Variants in ZNF334 observed in about 807,000 individuals in gnomAD.
ZNF334 encodes the protein zinc finger protein 334.
ZNF334 carries 14 observed loss-of-function variants against 12.4 expected under a neutral mutation model. That is an observed-to-expected ratio of 1.13 (90% CI 0.74 to 1.76). ZNF334 has a LOEUF of 1.76. Ranked by LOEUF, ZNF334 falls within the 40% of genes most tolerant of loss-of-function variation. ZNF334 has a pLI of 0.00. For synonymous variants in ZNF334, 273 were observed against 269.6 expected (o/e 1.01, Z -0.12); for missense variants, 797 against 804.5 (o/e 0.99, Z 0.11).
At chr20:46,510,600 C>T (rs1325858749) in intron 2 of ZNF334, among the ~76,000 whole-genome samples, 1 of 151,646 alleles carries the variant, frequency 6.6e-6, no homozygotes, top group Non-Finnish European at 1.5e-5. Context: ...GTGGCGGGTG[C>T]CTGTAGTCCC....
At chr20:46,468,441 A>T in the ZNF334 span, among the ~76,000 whole-genome samples, 18 of 142,830 alleles carry the variant, frequency 1.3e-4, no homozygotes, top group East Asian at 8.1e-4. Context: ...TGACTGGCTA[A>T]TTTTTTTTTT....
Position 46,501,408 on chromosome 20 carries a change from G to A in ZNF334, c.1931C>T (p.Thr644Ile), listed in dbSNP as rs1370473557. The change falls in exon 5 of 5, where the codon ACT becomes ATT. Residue 644 changes from threonine to isoleucine, a missense_variant. Transcript: ENST00000692313. The part of the protein sequence containing the change: ...GKTYRRLWTL[T>I]EHQKIHTGEK... ...TCCTGTGTGTATTTTCTGATGTTCAGTGAGAGTCCACAGGCGACGGTAGGT... is the reference window on the plus strand; with the variant it reads ...TCCTGTGTGTATTTTCTGATGTTCAATGAGAGTCCACAGGCGACGGTAGGT... The A allele has an allele frequency of 1.9e-6, 3 of 1,614,016 alleles. No individual in the cohort carries two copies. The highest frequency in any genetic ancestry group is 2.7e-5 in the African/African-American group (2 of 74,998).
intron 4 of ZNF334, among the ~76,000 whole-genome samples, chr20:46,503,428 C>T (rs549057898): frequency 6.6e-6 from 1 of 152,270 alleles, no homozygotes; most frequent in South Asian, 2.1e-4. Flanking sequence ...GAATAGTACA[C>T]AAAGTATGCT....
downstream of ZNF334, among the ~76,000 whole-genome samples, chr20:46,495,539 C>T (rs1438811748): frequency 6.6e-6 from 1 of 152,068 alleles, no homozygotes; most frequent in Non-Finnish European, 1.5e-5. Context: ...CAATACTAGC[C>T]AGTGATTTGA....
At chr20:46,506,558 G>T (rs2061439333) in intron 2 of ZNF334, 1 of 383,978 alleles carries the variant, frequency 2.6e-6, no homozygotes, top group Admixed American at 4.5e-5. Context: ...AGAGGTTGCA[G>T]TGAGCTCAGA....
Position 46,500,537 on chromosome 20 carries a change from CT to C in ZNF334, c.*758del, listed in dbSNP as rs2061120031. 6.6e-6 allele frequency: 1 copy of C among 152,178 alleles called. No homozygotes were observed. The highest frequency in any genetic ancestry group is 1.5e-5 in the Non-Finnish European group (1 of 68,034). 9.4% of individuals were successfully genotyped at this position (152,178 alleles called of 1,614,324 possible). On this transcript the variant is annotated 3_prime_UTR_variant, in exon 5 of 5. Coordinates refer to ENST00000692313, the MANE Select transcript of ZNF334 (RefSeq NM_001353824.2). ...AATACTAAAACCAGAGAAATAAACA[CT>C]TTTTGGATTCAACCATCATCCAAAT... is the stretch of plus-strand genomic sequence containing the variant.
chr20:46,467,788 T>C, the ZNF334 span, among the ~76,000 whole-genome samples: 1 of 152,250 alleles, frequency 6.6e-6, no homozygotes, highest in Non-Finnish European at 1.5e-5. Flanking sequence ...GTGTAGTAAT[T>C]AAAATACTTA....
At chr20:46,476,979 C>A in the ZNF334 span, 2 of 152,092 alleles carry the variant, frequency 1.3e-5, no homozygotes, top group African/African-American at 4.8e-5. Context: ...TCCCATACAC[C>A]GATGGGATTT....
chr20:46,494,494 A>T, the ZNF334 span, among the ~76,000 whole-genome samples: 2 of 152,228 alleles, frequency 1.3e-5, no homozygotes, highest in South Asian at 4.1e-4. Flanking sequence ...CAAATAACAG[A>T]CACATCAGTT....
chr20:46,502,205 T>A lies in ZNF334; in HGVS notation c.1134A>T (p.Glu378Asp). 2 of 1,614,044 alleles carry A rather than the reference T, an allele frequency of 1.2e-6. No homozygotes were observed. Among genetic ancestry groups the A allele is most frequent in the Non-Finnish European group, 1.7e-6 (2 of 1,180,002 alleles). Residue 378 changes from glutamate to aspartate, a missense_variant, in exon 5 of 5, where the codon GAA becomes GAT. Transcript: ENST00000692313. ...AGAAGGTTTTCCCACATTCCTTACA[T>A]TCATTTGGCTTCTCTCCTCTGTGAG... is the stretch of plus-strand genomic sequence containing the variant. ...QRTHRGEKPNECKECGKTFFC... is the reference protein window; with the variant it reads ...QRTHRGEKPNDCKECGKTFFC...
chr20:46,472,525 T>C, the ZNF334 span, among the ~76,000 whole-genome samples: 2 of 152,094 alleles, frequency 1.3e-5, no homozygotes, highest in African/African-American at 4.8e-5. Context: ...AAAATAGCCA[T>C]GTGGATTCCA....
At chr20:46,475,410 A>T in the ZNF334 span, among the ~76,000 whole-genome samples, 5 of 152,278 alleles carry the variant, frequency 3.3e-5, no homozygotes, top group East Asian at 9.7e-4. Context: ...ATAAAAGAAG[A>T]TATTTATAAA....
At position 46,502,992 on chromosome 20, in the gene ZNF334, A is replaced by G; in HGVS notation, c.347T>C (p.Phe116Ser). 1 of 1,614,046 alleles carries G rather than the reference A, an allele frequency of 6.2e-7. No homozygotes were observed. The highest frequency in any genetic ancestry group is 8.5e-7 in the Non-Finnish European group (1 of 1,179,964). ...KTLITERENV[F>S]GKTLNLGMNS... ...CATGCCCAGATTAAGTGTTTTCCCA[A>G]ATACATTCTCTCTTTCTGTAATCAG... The change falls in exon 5 of 5, where the codon TTT (phenylalanine) becomes TCT (serine). Residue 116 changes from phenylalanine to serine, a missense_variant. By Grantham distance (155) the Phe-to-Ser change is radical (BLOSUM62 -2). Transcript: ENST00000692313.
chr20:46,466,570 G>A, the ZNF334 span, among the ~76,000 whole-genome samples: 2 of 152,116 alleles, frequency 1.3e-5, no homozygotes, highest in Non-Finnish European at 2.9e-5. Flanking sequence ...TACAACCTCT[G>A]CCTCCTGGGT....
Position 46,502,955 on chromosome 20 carries a change from G to A in ZNF334, c.384C>T (p.Pro128=). The A allele has an allele frequency of 6.2e-7, 1 of 1,613,966 alleles. No homozygotes were observed. Among genetic ancestry groups the A allele is most frequent in the Non-Finnish European group, 8.5e-7 (1 of 1,179,974 alleles). ...KTLNLGMNSV[P]SRKMPYKCNP... The stretch of plus-strand genomic sequence containing the variant: ...TACATTTATAGGGCATTTTTCTTGA[G>A]GGAACACTATTCATGCCCAGATTAA... The change falls in exon 5 of 5, where the codon CCC becomes CCT. Residue 128 remains proline, a synonymous_variant. Transcript: ENST00000692313.
the ZNF334 span, among the ~76,000 whole-genome samples, chr20:46,489,582 T>A: frequency 6.4e-4 from 91 of 141,106 alleles, 1 homozygote; most frequent in Admixed American, 1.2e-3. Context: ...CACTTGAGCC[T>A]GGGAAGCGGG....
chr20:46,488,583 A>C, the ZNF334 span, among the ~76,000 whole-genome samples: 1 of 151,668 alleles, frequency 6.6e-6, no homozygotes, highest in African/African-American at 2.4e-5. Context: ...ATAAACCCAT[A>C]CATATTTACC....
At chr20:46,497,728 A>C (rs1273055634), downstream of ZNF334, among the ~76,000 whole-genome samples, 2 of 152,396 alleles carry the variant, frequency 1.3e-5, no homozygotes, top group African/African-American at 4.8e-5. Context: ...TAAATGTGTC[A>C]TATCAATAAC....
At chr20:46,464,729 C>T in the ZNF334 span, 8 of 480,020 alleles carry the variant, frequency 1.7e-5, no homozygotes, top group South Asian at 1.4e-4. Context: ...CTGATTCTCC[C>T]TTGGTCACTG....
Sources: gnomAD v4.1 joint callset for allele counts (sites outside exome capture counted in the v4.1 genomes callset) on GRCh38, gnomAD v4.1.1 for gene constraint, MANE v1.5 for transcripts, NCBI Gene and HGNC (gene_info 2026-07-23, HGNC 2026-07-21) for gene names.